Variants in ZBBX observed in about 807,000 individuals in gnomAD.
ZBBX encodes zinc finger B-box domain-containing protein 1.
A neutral mutation model predicts 108.5 loss-of-function variants in ZBBX; 101 were observed. The ratio of observed to expected loss-of-function variants is 0.93; its 90% CI spans 0.79 to 1.10. ZBBX has a LOEUF of 1.10. Ranked by LOEUF, ZBBX falls within the 50% of genes least tolerant of loss-of-function variation. The probability of loss-of-function intolerance (pLI) is 0.00; values close to 1 mark genes in which losing one functional copy is unlikely to be tolerated. For synonymous variants in ZBBX, 356 were observed against 323.4 expected, an observed-to-expected ratio of 1.10 and a Z score of -1.08; for missense variants, 1,009 against 941.4, an observed-to-expected ratio of 1.07 and a Z score of -0.94.
intron 2 of ZBBX, among the ~76,000 whole-genome samples, chr3:167,377,146 CCCAATATAA>C: frequency 6.6e-6 from 1 of 152,100 alleles, no homozygotes. Context: ...ACACAAAATA[CCCAATATAA>C]CCCAAAATTG....
At chr3:167,382,477 G>C (rs190591096), upstream of ZBBX, among the ~76,000 whole-genome samples, 1 of 152,092 alleles carries the variant, frequency 6.6e-6, no homozygotes, top group African/African-American at 2.4e-5. Flanking sequence ...ATGCTTCTTT[G>C]TGCCACAGTG....
At chr3:167,256,910 T>C (rs190417336) in intron 20 of ZBBX, among the ~76,000 whole-genome samples, 3 of 152,262 alleles carry the variant, frequency 2.0e-5, no homozygotes, top group East Asian at 1.9e-4. Context: ...TCTTAGCTAT[T>C]GTAAACAGTA....
chr3:167,210,415 A>G, the ZBBX span, among the ~76,000 whole-genome samples: 1 of 152,194 alleles, frequency 6.6e-6, no homozygotes, highest in African/African-American at 2.4e-5. Context: ...AGACCTAGAA[A>G]ACACTCTTAA....
chr3:167,223,895 T>G, the ZBBX span, among the ~76,000 whole-genome samples: 1 of 151,970 alleles, frequency 6.6e-6, no homozygotes, highest in Admixed American at 6.6e-5. Context: ...ATGATTTCTC[T>G]ACGGTAGTTA....
At chr3:167,274,359 A>G (rs6444198) in intron 20 of ZBBX, among the ~76,000 whole-genome samples, 124,683 of 152,184 alleles carry the variant, frequency 0.82, 51,473 homozygotes, top group African/African-American at 0.93. Context: ...CTAGTACAAA[A>G]GCTTATAAAG....
intron 9 of ZBBX, among the ~76,000 whole-genome samples, chr3:167,350,106 G>A (rs1007994150): frequency 6.6e-6 from 1 of 152,008 alleles, no homozygotes; most frequent in East Asian, 1.9e-4. Flanking sequence ...AATAACCTAT[G>A]TGTTCATTTG....
At chr3:167,213,426 C>T in the ZBBX span, among the ~76,000 whole-genome samples, 1 of 152,034 alleles carries the variant, frequency 6.6e-6, no homozygotes, top group Non-Finnish European at 1.5e-5. Context: ...CAGAATAAAC[C>T]AAGCTGAGGA....
intron 8 of ZBBX, among the ~76,000 whole-genome samples, chr3:167,355,446 G>A (rs1002140774): frequency 6.6e-6 from 1 of 151,826 alleles, no homozygotes; most frequent in African/African-American, 2.4e-5. Flanking sequence ...GCTAATAACA[G>A]GTAAAGTTGA....
In ZBBX at chr3:167,240,829, T is replaced by C. The variant is rs762740898; in HGVS notation, c.2484A>G (p.Gln828=). Residue 828 remains glutamine (Q), a synonymous_variant, in exon 22 of 22, where the codon CAA becomes CAG. Transcript: ENST00000675490. ...TTGACCACGGTAGTGTGATGACATG[T>C]TGCTTGTTGAGAAAATCTTCCTCCT... The part of the protein sequence containing the change: ...DEEEEDFLNK[Q]HVITLPWSKS... 11 of 1,613,496 alleles carry C rather than the reference T, an allele frequency of 6.8e-6. No homozygotes were observed. The highest frequency in any genetic ancestry group is 2.2e-5 in the South Asian group (2 of 91,072).
At chr3:167,243,748 C>CT (rs148483655) in intron 20 of ZBBX, among the ~76,000 whole-genome samples, 1,125 of 70,776 alleles carry the variant, frequency 0.016, 13 homozygotes, top group African/African-American at 0.037. Context: ...GTGGACTTGA[C>CT]TTTTTTTTTT....
chr3:167,343,760 A>C (rs938292718), intron 9 of ZBBX, among the ~76,000 whole-genome samples: 2 of 151,938 alleles, frequency 1.3e-5, no homozygotes, highest in Non-Finnish European at 2.9e-5. Context: ...ACTCTTGTAC[A>C]TGGCTGATTG....
rs374621430 is a variant in ZBBX, at chr3:167,379,746, C to G, written c.-240G>C. 17 of 152,186 alleles carry G rather than the reference C, an allele frequency of 1.1e-4. No individual in the cohort carries two copies. Among genetic ancestry groups the G allele is most frequent in the African/African-American group, 4.1e-4 (17 of 41,516 alleles). 9.4% of individuals were successfully genotyped at this position (152,186 alleles called of 1,614,324 possible). A position where few individuals can be genotyped will look rare whatever the true frequency, so the allele number is the denominator to read the frequency against. On this transcript the variant is annotated 5_prime_UTR_variant, in exon 2 of 22. Transcript: ENST00000675490. ...ATAGCCCTTACTTGTGAGGAGTAGA[C>G]TTCAAGAAGTAAGTGGGTGCATGTG... is the stretch of plus-strand genomic sequence containing the variant.
chr3:167,363,306 C>A (rs1203476376), intron 6 of ZBBX, among the ~76,000 whole-genome samples: 4 of 151,982 alleles, frequency 2.6e-5, no homozygotes, highest in Non-Finnish European at 5.9e-5. Flanking sequence ...AGTGGCTACT[C>A]CAAACCTCTT....
the ZBBX span, among the ~76,000 whole-genome samples, chr3:167,218,755 T>C: frequency 6.6e-6 from 1 of 152,008 alleles, no homozygotes; most frequent in Admixed American, 6.6e-5. Flanking sequence ...AATAACTAAA[T>C]GGCAAGATTA....
chr3:167,281,901 C>T (rs937185061), intron 20 of ZBBX, among the ~76,000 whole-genome samples: 1 of 152,102 alleles, frequency 6.6e-6, no homozygotes, highest in African/African-American at 2.4e-5. Flanking sequence ...TGAACAGCGG[C>T]TTACATAAAG....
At chr3:167,212,071 G>A in the ZBBX span, among the ~76,000 whole-genome samples, 1 of 152,026 alleles carries the variant, frequency 6.6e-6, no homozygotes, top group Non-Finnish European at 1.5e-5. Flanking sequence ...CTTCCTACAG[G>A]TGACTTTGGG....
At chr3:167,187,187 T>C in the ZBBX span, among the ~76,000 whole-genome samples, 4 of 152,284 alleles carry the variant, frequency 2.6e-5, no homozygotes, top group Admixed American at 2.6e-4. Flanking sequence ...ACCAGCCTTA[T>C]TAAAATGAAG....
intron 20 of ZBBX, among the ~76,000 whole-genome samples, chr3:167,270,930 A>G (rs1191055322): frequency 2.6e-5 from 4 of 152,216 alleles, no homozygotes; most frequent in African/African-American, 9.6e-5. Flanking sequence ...GTCAGACCAG[A>G]CCTAGGGGAT....
intron 16 of ZBBX, among the ~76,000 whole-genome samples, chr3:167,312,013 C>T (rs1397535045): frequency 6.6e-6 from 1 of 152,020 alleles, no homozygotes; most frequent in Non-Finnish European, 1.5e-5. Flanking sequence ...TTCATAATTG[C>T]TAAAGCTTGG....
Sources: allele counts gnomAD v4.1 joint callset (sites outside exome capture counted in the v4.1 genomes callset), GRCh38; gene constraint gnomAD v4.1.1; transcripts MANE v1.5; gene names NCBI Gene and HGNC (gene_info 2026-07-23, HGNC 2026-07-21).